The following KCNN2 variants were observed in gnomAD, a reference collection of about 807,000 sequenced individuals.
The protein encoded by KCNN2 is potassium calcium-activated channel subfamily N member 2, also known as small conductance calcium-activated potassium channel protein 2.
A neutral mutation model predicts 55.5 loss-of-function variants in KCNN2; 24 were observed. The observed-to-expected ratio is 0.43, with a 90% CI of 0.31 to 0.61. The LOEUF is 0.61. Among genes scored for constraint, KCNN2 ranks in the 20% least tolerant of loss-of-function variants. KCNN2 has a pLI of 0.08. For missense variants in KCNN2, 754 were observed against 853.6 expected (o/e 0.88, Z 1.45); for synonymous variants, 431 against 336.1 (o/e 1.28, Z -3.09).
chr5:114,390,131 A>G (rs953285672), intron 2 of KCNN2, among the ~76,000 whole-genome samples: 2 of 152,202 alleles, frequency 1.3e-5, no homozygotes, highest in East Asian at 1.9e-4. Context: ...TTAGCAATGT[A>G]GCAATATTAT....
chr5:114,496,132 A>C lies in KCNN2; in HGVS notation c.2326A>C (p.Arg776=), dbSNP rs1561421460. 3 of 1,614,086 alleles carry C rather than the reference A, an allele frequency of 1.9e-6. No homozygotes were observed. The highest frequency in any genetic ancestry group is 2.5e-6 in the Non-Finnish European group (3 of 1,179,986). ...NAERSRSSSR[R]RRSSSTAPPT... ...TGAGCGGTCCCGGTCCTCGTCCAGG[A>C]GGCGGCGGTCCTCTTCCACAGCACC... is the stretch of plus-strand genomic sequence containing the variant. The change falls in exon 8 of 8, where the codon AGG becomes CGG. Residue 776 remains arginine, a synonymous_variant. Coordinates refer to ENST00000673685, the MANE Select transcript of KCNN2 (RefSeq NM_021614.4).
At chr5:114,208,625 A>G (rs1753818453) in intron 1 of KCNN2, among the ~76,000 whole-genome samples, 1 of 152,148 alleles carries the variant, frequency 6.6e-6, no homozygotes, top group Non-Finnish European at 1.5e-5. Context: ...TGAAATCAGA[A>G]TCTCTGGGGT....
exon 1 of KCNN2, chr5:114,056,268 C>A (rs1358123171): frequency 5.0e-6 from 2 of 397,362 alleles, no homozygotes; most frequent in African/African-American, 4.1e-5. Flanking sequence ...GAGCCGGGGG[C>A]GCTCTCCCGG....
chr5:114,413,216 A>T (rs1166146147), intron 3 of KCNN2, among the ~76,000 whole-genome samples: 6 of 151,820 alleles, frequency 4.0e-5, no homozygotes, highest in Non-Finnish European at 8.8e-5. Context: ...AAAAACCAGT[A>T]CTCCCTCAAA....
intron 2 of KCNN2, among the ~76,000 whole-genome samples, chr5:114,383,016 T>C (rs1294616271): frequency 2.6e-5 from 4 of 152,152 alleles, no homozygotes; most frequent in Non-Finnish European, 5.9e-5. Flanking sequence ...TATGTGTCAA[T>C]TAAAAATCAA....
intron 1 of KCNN2, among the ~76,000 whole-genome samples, chr5:114,147,390 T>C (rs957944054): frequency 4.6e-5 from 7 of 152,186 alleles, no homozygotes; most frequent in African/African-American, 1.4e-4. Context: ...AAGCCGGAAA[T>C]TTTAGTGATA....
chr5:114,495,756 C>G (rs2150145229), intron 7 of KCNN2, 139 bp from the exon 8 acceptor site: 1 of 737,894 alleles, frequency 1.4e-6, no homozygotes. Flanking sequence ...GTTGGCTTTG[C>G]AAGATGAGCT....
intron 1 of KCNN2, among the ~76,000 whole-genome samples, chr5:114,128,827 A>T (rs186154666): frequency 2.0e-5 from 3 of 152,310 alleles, no homozygotes; most frequent in African/African-American, 4.8e-5. Flanking sequence ...ATGTTATTTG[A>T]GCTTAGATTC....
intron 1 of KCNN2, among the ~76,000 whole-genome samples, chr5:114,191,528 G>A (rs947503161): frequency 6.6e-6 from 1 of 152,060 alleles, no homozygotes; most frequent in East Asian, 1.9e-4. Flanking sequence ...GTTCGTTTAA[G>A]TAATAAAAAA....
At chr5:114,201,493 G>C (rs1753672370) in intron 1 of KCNN2, among the ~76,000 whole-genome samples, 1 of 152,068 alleles carries the variant, frequency 6.6e-6, no homozygotes, top group Admixed American at 6.5e-5. Context: ...ACTGTGGAGA[G>C]TGCAATCCAC....
Position 114,463,203 on chromosome 5 carries a change from A to T in KCNN2, c.1779+13A>T. 1 of 1,604,556 alleles carries T rather than the reference A, an allele frequency of 6.2e-7. No individual in the cohort carries two copies. Among genetic ancestry groups the T allele is most frequent in the East Asian group, 2.2e-5 (1 of 44,618 alleles). On this transcript the variant is annotated intron_variant, in intron 4 of 7. Coordinates refer to ENST00000673685, the MANE Select transcript of KCNN2 (RefSeq NM_021614.4). ...TACTGGAATTATGGTAAGTGTCTTT[A>T]TACTTCACATCTCTTTTATTTACGC...
chr5:114,306,181 G>A lies in KCNN2; in HGVS notation c.-184-54764G>A, dbSNP rs143318505. Among the ~76,000 whole-genome samples the A allele has an allele frequency of 2.2e-3, 339 of 152,286 alleles. 11 individuals are homozygous for A. The highest frequency in any genetic ancestry group is 0.021 in the Admixed American group (324 of 15,294). ...GCTTTTGATTTCCTTTACTGATGGTGATTAAGAAAGACACATTTGCCAGCT... is the reference window on the plus strand; with the variant it reads ...GCTTTTGATTTCCTTTACTGATGGTAATTAAGAAAGACACATTTGCCAGCT... On this transcript the variant is annotated intron_variant, in intron 2 of 10. Transcript: ENST00000512097.
chr5:114,248,525 T>TG (rs1458165791), intron 2 of KCNN2, among the ~76,000 whole-genome samples: 1 of 6,912 alleles, frequency 1.4e-4, no homozygotes. Context: ...TAAATACTTC[T>TG]TTTTTTATAA....
rs757982546 is a variant in KCNN2 at position 114,473,055 on chromosome 5, G to A, written c.1781G>A (p.Gly594Asp). 1 of 1,601,624 alleles carries A rather than the reference G, an allele frequency of 6.2e-7. No homozygotes were observed. The highest frequency in any genetic ancestry group is 8.5e-7 in the Non-Finnish European group (1 of 1,171,736). The change falls in exon 5 of 8, where the codon GGT becomes GAT. Residue 594 changes from glycine (G) to aspartate (D), a missense_variant and splice_region_variant. Transcript: ENST00000673685. ...KGVCLLTGIM[G>D]AGCTALVVAV... ...TTTCTCTTCTCTCCTTGTTTTCAGG[G>A]TGCTGGTTGCACAGCCCTGGTGGTA...
At chr5:114,298,132 C>G (rs994265604) in intron 2 of KCNN2, among the ~76,000 whole-genome samples, 2 of 152,206 alleles carry the variant, frequency 1.3e-5, no homozygotes, top group African/African-American at 4.8e-5. Flanking sequence ...TTATCATCAT[C>G]TACTGCAGGG....
At chr5:114,467,542 G>A (rs1418905912) in intron 4 of KCNN2, among the ~76,000 whole-genome samples, 1 of 152,174 alleles carries the variant, frequency 6.6e-6, no homozygotes, top group Non-Finnish European at 1.5e-5. Flanking sequence ...CCCCAGTGAA[G>A]AGAGTATATC....
intron 1 of KCNN2, among the ~76,000 whole-genome samples, chr5:114,110,791 A>T (rs143594199): frequency 1.3e-5 from 2 of 152,066 alleles, no homozygotes; most frequent in Non-Finnish European, 2.9e-5. Flanking sequence ...TTCTGAAATC[A>T]TATCTACAGA....
intron 2 of KCNN2, among the ~76,000 whole-genome samples, chr5:114,240,086 T>C (rs1754587545): frequency 2.0e-5 from 3 of 152,122 alleles, no homozygotes; most frequent in Admixed American, 2.0e-4. Context: ...AAAGTAAGGA[T>C]CATTTTCAAG....
At chr5:114,227,531 C>T (rs923777259) in intron 2 of KCNN2, among the ~76,000 whole-genome samples, 1 of 152,116 alleles carries the variant, frequency 6.6e-6, no homozygotes, top group African/African-American at 2.4e-5. Flanking sequence ...TTATAAATTC[C>T]TTGAAGACAG....
Sources: gnomAD v4.1 joint callset for allele counts (sites outside exome capture counted in the v4.1 genomes callset) on GRCh38, gnomAD v4.1.1 for gene constraint, MANE v1.5 for transcripts, NCBI Gene and HGNC (gene_info 2026-07-23, HGNC 2026-07-21) for gene names.